HK2: variants seen among roughly 807,000 people sequenced by gnomAD.
The protein encoded by HK2 is hexokinase-2.
In HK2, 42 loss-of-function variants were observed where a neutral mutation model predicts 92.9. The observed-to-expected ratio is 0.45, with a 90% CI of 0.35 to 0.58. HK2 has a LOEUF of 0.58. Among genes scored for constraint, HK2 ranks in the 20% least tolerant of loss-of-function variants. HK2 has a pLI of 0.00. For missense variants in HK2, 978 were observed against 1,245.1 expected, an observed-to-expected ratio of 0.79 and a Z score of 3.23; for synonymous variants, 422 against 468.0, an observed-to-expected ratio of 0.90 and a Z score of 1.27.
At position 74,840,485 on chromosome 2, in the gene HK2, C is replaced by T. The variant is rs574160827; in HGVS notation, c.63+5842C>T. Among the ~76,000 whole-genome samples, 9 of 152,076 alleles carry T rather than the reference C, an allele frequency of 5.9e-5. 1 individual carries two copies. The highest frequency in any genetic ancestry group is 1.3e-4 in the Admixed American group (2 of 15,282). ...TTTAAAAGACCACATCTTGATAAGA[C>T]GTTCCTCATTATCATCGTTGAGCTT... On this transcript the variant is annotated intron_variant, in intron 1 of 17. Coordinates refer to ENST00000290573, the MANE Select transcript of HK2 (RefSeq NM_000189.5).
chr2:74,878,176 C>T (rs1316795420), intron 8 of HK2, among the ~76,000 whole-genome samples: 1 of 152,118 alleles, frequency 6.6e-6, no homozygotes, highest in African/African-American at 2.4e-5. Flanking sequence ...GTGCCAAGTC[C>T]ATGGTGAAAT....
In HK2 at chr2:74,881,731, T is replaced by C; in HGVS notation, c.1591T>C (p.Leu531=). 6.2e-7 allele frequency: 1 copy of C among 1,614,226 alleles called. No homozygotes were observed. Among genetic ancestry groups the C allele is most frequent in the Non-Finnish European group, 8.5e-7 (1 of 1,180,028 alleles). The change falls in exon 11 of 18, where the codon TTG becomes CTG. Residue 531 remains leucine (L), a synonymous_variant. Coordinates refer to ENST00000290573, the MANE Select transcript of HK2 (RefSeq NM_000189.5). Reference sequence around the variant, plus strand: ...TCCAGAGAAAGGGGACTTCTTGGCCTTGGACCTTGGAGGAACAAATTTCCG... The same window carrying C: ...TCCAGAGAAAGGGGACTTCTTGGCCCTGGACCTTGGAGGAACAAATTTCCG... ...DGTEKGDFLA[L]DLGGTNFRVL... is the part of the protein sequence containing the mutation.
intron 12 of HK2, among the ~76,000 whole-genome samples, chr2:74,883,159 A>G (rs1558804511): frequency 6.6e-6 from 1 of 152,078 alleles, no homozygotes; most frequent in Non-Finnish European, 1.5e-5. Flanking sequence ...GTCATGTAGG[A>G]GTGCACGTGC....
rs760432076 is a variant in HK2, at chr2:74,889,415, G to T, written c.2546G>T (p.Arg849Leu). The T allele has an allele frequency of 6.2e-7, 1 of 1,614,076 alleles. No individual in the cohort carries two copies. Among genetic ancestry groups the T allele is most frequent in the Non-Finnish European group, 8.5e-7 (1 of 1,180,002 alleles). ...AAVVDRIREN[R>L]GLDALKVTVG... ...GTGGTGGACAGGATACGAGAAAACC[G>T]TGGGCTGGACGCTCTCAAAGTGACA... The change falls in exon 17 of 18, where the codon CGT becomes CTT. Residue 849 changes from arginine to leucine, a missense_variant. Physicochemically the swap from Arg to Leu is moderately radical, Grantham distance 102. This residue lies in a region of HK2 where 742 missense variants were observed against 922.5 expected (regional missense o/e 0.80). Transcript: ENST00000290573.
At chr2:74,840,940 A>G (rs868441611) in intron 1 of HK2, among the ~76,000 whole-genome samples, 3 of 149,702 alleles carry the variant, frequency 2.0e-5, no homozygotes, top group South Asian at 2.1e-4. Flanking sequence ...TTAAATCCCC[A>G]TAGCTCACTG....
chr2:74,843,779 A>G (rs1372347564), intron 1 of HK2, among the ~76,000 whole-genome samples: 1 of 152,212 alleles, frequency 6.6e-6, no homozygotes. Flanking sequence ...ATTAGGGTTA[A>G]ATGAGGGCAT....
chr2:74,890,248 C>G (rs1436460611), intron 17 of HK2, among the ~76,000 whole-genome samples: 1 of 152,220 alleles, frequency 6.6e-6, no homozygotes, highest in Non-Finnish European at 1.5e-5. Flanking sequence ...GATCACAACT[C>G]TCTCTTTCTC....
At chr2:74,857,324 T>C (rs1688718010) in intron 2 of HK2, among the ~76,000 whole-genome samples, 1 of 152,246 alleles carries the variant, frequency 6.6e-6, no homozygotes, top group Non-Finnish European at 1.5e-5. Flanking sequence ...TCTGAGATCC[T>C]GTAATGGGAG....
chr2:74,844,228 T>A (rs1255362277), intron 1 of HK2, among the ~76,000 whole-genome samples: 1 of 81,632 alleles, frequency 1.2e-5, no homozygotes, highest in African/African-American at 4.0e-5. Context: ...AACCAGATGT[T>A]GTGTACTAAG....
At chr2:74,876,245 G>T (rs915584189) in intron 7 of HK2, among the ~76,000 whole-genome samples, 1 of 152,104 alleles carries the variant, frequency 6.6e-6, no homozygotes, top group African/African-American at 2.4e-5. Context: ...GTTTCCTCTC[G>T]GAAAGGTAAC....
In HK2 at chr2:74,874,344, T is replaced by C. The variant is rs1303803462; in HGVS notation, c.770T>C (p.Ile257Thr). 1 of 1,614,040 alleles carries C rather than the reference T, an allele frequency of 6.2e-7. No individual in the cohort carries two copies. The highest frequency in any genetic ancestry group is 1.6e-4 in the Middle Eastern group (1 of 6,062). Residue 257 changes from isoleucine to threonine, a missense_variant, in exon 7 of 18, where the codon ATC becomes ACC. Physicochemically the swap from Ile to Thr is moderately conservative, Grantham distance 89 (BLOSUM62 -1). Transcript: ENST00000290573. ...GAAGGCGATGAGGGGCGGATGTGTATCAATATGGAGTGGGGGGCCTTCGGG... is the reference window on the plus strand; with the variant it reads ...GAAGGCGATGAGGGGCGGATGTGTACCAATATGGAGTGGGGGGCCTTCGGG... ...MVEGDEGRMC[I>T]NMEWGAFGDD...
At position 74,890,954 on chromosome 2, in the gene HK2, C is replaced by A. The variant is rs868701781; in HGVS notation, c.*13C>A. 3.1e-6 allele frequency: 5 copies of A among 1,613,760 alleles called. No homozygotes were observed. The highest frequency in any genetic ancestry group is 4.2e-6 in the Non-Finnish European group (5 of 1,179,896). ...TGGACAGCGATAGAACCCCTGAAATCGGAAGGGACTTCCTCTTTCTCTCCT... is the reference window on the plus strand; with the variant it reads ...TGGACAGCGATAGAACCCCTGAAATAGGAAGGGACTTCCTCTTTCTCTCCT... On this transcript the variant is annotated 3_prime_UTR_variant, in exon 18 of 18. Coordinates refer to ENST00000290573, the MANE Select transcript of HK2 (RefSeq NM_000189.5).
chr2:74,880,177 G>C (rs1479160105), intron 9 of HK2, 88 bp from the exon 10 acceptor site: 1 of 1,467,942 alleles, frequency 6.8e-7, no homozygotes, highest in East Asian at 2.3e-5. Flanking sequence ...TTGGCATTTG[G>C]ATTAAGGCGG....
intron 1 of HK2, among the ~76,000 whole-genome samples, chr2:74,846,513 C>T (rs563767503): frequency 6.6e-6 from 1 of 152,292 alleles, no homozygotes; most frequent in South Asian, 2.1e-4. Flanking sequence ...TATAAATAGA[C>T]TCATACAGGA....
intron 12 of HK2, among the ~76,000 whole-genome samples, chr2:74,884,970 G>A (rs996796154): frequency 2.6e-5 from 4 of 152,180 alleles, no homozygotes; most frequent in East Asian, 1.9e-4. Flanking sequence ...GCACTTGTTC[G>A]CCAGATGCTG....
In HK2 at chr2:74,869,120, T is replaced by TA. The variant is rs750715342; in HGVS notation, c.375+1347dup. Reference sequence around the variant, plus strand: ...ATAAGAAAAACAGTATAGTCCGGATTAAAAAAAAAAACAACTATGAGACCC... The same window carrying TA: ...ATAAGAAAAACAGTATAGTCCGGATTAAAAAAAAAAAACAACTATGAGACCC... On this transcript the variant is annotated intron_variant, in intron 3 of 17. Transcript: ENST00000290573. Among the ~76,000 whole-genome samples, 998 of 144,666 alleles carry TA rather than the reference T, an allele frequency of 6.9e-3. 5 individuals are homozygous for TA. Among genetic ancestry groups the TA allele is most frequent in the Admixed American group, 0.011 (166 of 14,508 alleles). The allele number at this position is 144,666 out of a possible 152,430, so 94.9% of individuals were successfully genotyped here.
In HK2 at chr2:74,848,266, C is replaced by T. The variant is rs534281559; in HGVS notation, c.64-6027C>T. On this transcript the variant is annotated intron_variant, in intron 1 of 17. Transcript: ENST00000290573. ...CTCATCTCTCCACGCATTCTAGAGA[C>T]ACTCATTGATCTATAATATGAGCCA... Among the ~76,000 whole-genome samples, 9 of 152,342 alleles carry T rather than the reference C, an allele frequency of 5.9e-5. No homozygotes were observed. The South Asian group carries it at 1.9e-3, about 32-fold the overall frequency.
intron 7 of HK2, among the ~76,000 whole-genome samples, chr2:74,876,296 C>T (rs3771762): frequency 0.087 from 13,246 of 152,186 alleles, 1,613 homozygotes; most frequent in African/African-American, 0.27. Context: ...GCCTCCTCCT[C>T]GCTGGGGCTC....
rs542659696 is a variant in HK2, at chr2:74,882,865, G to A, written c.1839+626G>A. Among the ~76,000 whole-genome samples the A allele has an allele frequency of 1.2e-4, 18 of 151,892 alleles. No individual in the cohort carries two copies. In the South Asian group the frequency reaches 3.7e-3, roughly 32 times the overall value. On this transcript the variant is annotated intron_variant, in intron 12 of 17. Transcript: ENST00000290573. ...GCCTGTGCTGTCAGTTATGCTGTGG[G>A]GCTCCTGAGGCCCTTGTTATGGGCT...
Sources: allele counts gnomAD v4.1 joint callset (sites outside exome capture counted in the v4.1 genomes callset), GRCh38; gene constraint gnomAD v4.1.1; regional missense constraint gnomAD v4.1.1; transcripts MANE v1.5; gene names NCBI Gene and HGNC (gene_info 2026-07-23, HGNC 2026-07-21).